Variants in PRR29 observed in about 807,000 individuals in gnomAD.
PRR29 encodes proline-rich protein 29.
A neutral mutation model predicts 25.1 loss-of-function variants in PRR29; 20 were observed. That is an observed-to-expected ratio of 0.80 (90% CI 0.56 to 1.16). PRR29 has a LOEUF of 1.16. Ranked by LOEUF, PRR29 falls within the 50% of genes most tolerant of loss-of-function variation. The pLI is 0.00. For missense variants in PRR29, 238 were observed against 246.6 expected (o/e 0.97, Z 0.23); for synonymous variants, 108 against 102.6 (o/e 1.05, Z -0.32).
rs1366631203 is a variant in PRR29 at position 64,003,984 on chromosome 17, G to A, written c.*2223G>A. The A allele has an allele frequency of 1.3e-6, 2 of 1,582,042 alleles. No homozygotes were observed. The highest frequency in any genetic ancestry group is 1.8e-5 in the Admixed American group (1 of 56,158). On this transcript the variant is annotated 3_prime_UTR_variant, in exon 6 of 6. Coordinates refer to ENST00000412177, the MANE Select transcript of PRR29 (RefSeq NM_001164257.2). ...GAGGCTCTGCAGGGGACAAAGGAGG[G>A]AGGTCTGGTCAGGATGGGGGTGCAG...
At position 64,003,637 on chromosome 17, in the gene PRR29, C is replaced by T. The variant is rs753317324; in HGVS notation, c.*1876C>T. The T allele has an allele frequency of 2.5e-6, 4 of 1,608,976 alleles. No homozygotes were observed. The highest frequency in any genetic ancestry group is 3.4e-6 in the Non-Finnish European group (4 of 1,176,840). On this transcript the variant is annotated 3_prime_UTR_variant, in exon 6 of 6. Transcript: ENST00000412177. Reference sequence around the variant, plus strand: ...ACTCCCAACTCCATCCACGGATCCCCCCTCACCATAGATCTCCAACATCTT... The same window carrying T: ...ACTCCCAACTCCATCCACGGATCCCTCCTCACCATAGATCTCCAACATCTT...
At chr17:64,000,312 A>T (rs1471918721) in intron 3 of PRR29, among the ~76,000 whole-genome samples, 1 of 152,096 alleles carries the variant, frequency 6.6e-6, no homozygotes, top group African/African-American at 2.4e-5. Flanking sequence ...AACACAACCC[A>T]TTCTTTTTTT....
rs996999373 is a variant in PRR29 at position 63,999,267 on chromosome 17, C to T, written c.243+193C>T. Reference sequence around the variant, plus strand: ...AAGGTTGGGGCGGGGAAGAGACCCCCCAAAGTCCAGACCACCGAGGTCTTG... The same window carrying T: ...AAGGTTGGGGCGGGGAAGAGACCCCTCAAAGTCCAGACCACCGAGGTCTTG... On this transcript the variant is annotated intron_variant, in intron 3 of 5. Transcript: ENST00000412177. 28 of 598,124 alleles carry T rather than the reference C, an allele frequency of 4.7e-5. No homozygotes were observed. The South Asian group carries it at 5.6e-4, about 12-fold the overall frequency. The allele number at this position is 598,124 out of a possible 1,614,324, so 37.1% of individuals were successfully genotyped here.
rs2143140610 is a variant in PRR29, at chr17:64,001,144, G to A, written c.304G>A (p.Glu102Lys). The A allele has an allele frequency of 6.5e-7, 1 of 1,537,476 alleles. No homozygotes were observed. Among genetic ancestry groups the A allele is most frequent in the Admixed American group, 2.0e-5 (1 of 50,998 alleles). The change falls in exon 4 of 6, where the codon GAG becomes AAG. Residue 102 changes from glutamate to lysine, a missense_variant. Physicochemically the swap from Glu to Lys is moderately conservative, Grantham distance 56. Transcript: ENST00000412177. ...GGAGGAGGAGGAGATGGACGTGCGG[G>A]AGAAAGGGCCTTTGGTGTTTCACCA... ...EEEEEEMDVR[E>K]KGPLVFHHHY... is the part of the protein sequence containing the mutation.
chr17:64,001,509 T>C lies in PRR29; in HGVS notation c.513T>C (p.Thr171=). 5 of 1,515,514 alleles carry C rather than the reference T, an allele frequency of 3.3e-6. No homozygotes were observed. The highest frequency in any genetic ancestry group is 3.5e-6 in the Non-Finnish European group (4 of 1,137,080). 93.9% of individuals were successfully genotyped at this position (1,515,514 alleles called of 1,614,324 possible). A position where few individuals can be genotyped will look rare whatever the true frequency, so the allele number is the denominator to read the frequency against. The change falls in exon 5 of 6, where the codon ACT becomes ACC. Residue 171 remains threonine (T), a synonymous_variant. Transcript: ENST00000412177. Reference sequence around the variant, plus strand: ...CCCCACCCCCCAGTGCCACAGGGACTGTGGGTGCTGATGTACCCCCGGCTT... The same window carrying C: ...CCCCACCCCCCAGTGCCACAGGGACCGTGGGTGCTGATGTACCCCCGGCTT... ...PPPPPPSATG[T]VGADVPPASD... is the part of the protein sequence containing the mutation.
chr17:64,002,580 C>T lies in PRR29; in HGVS notation c.*819C>T. The T allele has an allele frequency of 6.1e-6, 4 of 653,590 alleles. No individual in the cohort carries two copies. The highest frequency in any genetic ancestry group is 1.0e-5 in the Non-Finnish European group (4 of 388,528). 40.5% of individuals were successfully genotyped at this position (653,590 alleles called of 1,614,324 possible). A position where few individuals can be genotyped will look rare whatever the true frequency, so the allele number is the denominator to read the frequency against. On this transcript the variant is annotated 3_prime_UTR_variant, in exon 6 of 6. Transcript: ENST00000412177. ...GCCATTGTTATCCCAGGAGGAGACA[C>T]TGTGGGCACAGGGCTAAGTCCAGGT...
rs966082402 is a variant in PRR29 at position 64,001,047 on chromosome 17, A to G, written c.244-37A>G. ...GGCGGTGGGGAGAGCCTGATGGTAGATTCTCATTTCCCCTCCCTGTTTTGC... is the reference window on the plus strand; with the variant it reads ...GGCGGTGGGGAGAGCCTGATGGTAGGTTCTCATTTCCCCTCCCTGTTTTGC... On this transcript the variant is annotated intron_variant, in intron 3 of 5. Coordinates refer to ENST00000412177, the MANE Select transcript of PRR29 (RefSeq NM_001164257.2). The G allele has an allele frequency of 2.0e-6, 3 of 1,487,012 alleles. No individual in the cohort carries two copies. The African/African-American group carries it at 4.2e-5, about 21-fold the overall frequency. 92.1% of individuals were successfully genotyped at this position (1,487,012 alleles called of 1,614,324 possible). A position where few individuals can be genotyped will look rare whatever the true frequency, so the allele number is the denominator to read the frequency against.
chr17:64,002,177 C>A lies in PRR29; in HGVS notation c.*416C>A. 2.9e-6 allele frequency: 2 copies of A among 700,696 alleles called. No homozygotes were observed. Among genetic ancestry groups the A allele is most frequent in the Non-Finnish European group, 4.7e-6 (2 of 429,912 alleles). 43.4% of individuals were successfully genotyped at this position (700,696 alleles called of 1,614,324 possible). ...GGGGGATTCCTTCTGCTTTCCACAG[C>A]TTTGAAGGCCCCTTTGAGGTGGCTG... On this transcript the variant is annotated 3_prime_UTR_variant, in exon 6 of 6. Transcript: ENST00000412177.
intron 2 of PRR29, 22 bp downstream of exon 2, chr17:63,998,804 A>ACCCC: frequency 4.4e-6 from 2 of 452,784 alleles, no homozygotes. Context: ...GGGTCCCCCC[A>ACCCC]CCCCACCCCC....
Position 63,998,724 on chromosome 17 carries a change from G to A in PRR29, c.78G>A (p.Leu26=). 6.6e-7 allele frequency: 1 copy of A among 1,516,278 alleles called. No individual in the cohort carries two copies. The highest frequency in any genetic ancestry group is 8.8e-7 in the Non-Finnish European group (1 of 1,140,424). The allele number at this position is 1,516,278 out of a possible 1,614,324, so 93.9% of individuals were successfully genotyped here. A position where few individuals can be genotyped will look rare whatever the true frequency, so the allele number is the denominator to read the frequency against. Residue 26 remains leucine, a synonymous_variant, in exon 2 of 6, where the codon CTG becomes CTA. Coordinates refer to ENST00000412177, the MANE Select transcript of PRR29 (RefSeq NM_001164257.2). ...SAVPTPWVTF[L]QPLSWAVPPA... ...ACCCCCAGCCCTGGGTCACCTTCCT[G>A]CAGCCCCTCTCGTGGGCCGTCCCAC...
At position 64,004,004 on chromosome 17, in the gene PRR29, G is replaced by T; in HGVS notation, c.*2243G>T. ...GGAGGGAGGTCTGGTCAGGATGGGG[G>T]TGCAGTCCCAGCAGCCTCCCCCTGG... On this transcript the variant is annotated 3_prime_UTR_variant, in exon 6 of 6. Coordinates refer to ENST00000412177, the MANE Select transcript of PRR29 (RefSeq NM_001164257.2). The T allele has an allele frequency of 6.8e-7, 1 of 1,475,804 alleles. No individual in the cohort carries two copies. The highest frequency in any genetic ancestry group is 9.2e-7 in the Non-Finnish European group (1 of 1,085,628). The allele number at this position is 1,475,804 out of a possible 1,614,324, so 91.4% of individuals were successfully genotyped here. A position where few individuals can be genotyped will look rare whatever the true frequency, so the allele number is the denominator to read the frequency against.
In PRR29 at chr17:64,002,312, AG is replaced by A; in HGVS notation, c.*553del. 1 of 455,414 alleles carries A rather than the reference AG, an allele frequency of 2.2e-6. No individual in the cohort carries two copies. The allele number at this position is 455,414 out of a possible 1,614,324, so 28.2% of individuals were successfully genotyped here. On this transcript the variant is annotated 3_prime_UTR_variant, in exon 6 of 6. Coordinates refer to ENST00000412177, the MANE Select transcript of PRR29 (RefSeq NM_001164257.2). ...CCAGGAAGCAGCTCTGTTGGCAGAA[AG>A]GAGAGGTCAGAGCTTTGTCCTGCTG...
chr17:64,002,098 C>A lies in PRR29; in HGVS notation c.*337C>A. ...CCCCCACCCTCTCTCCCTCACCCCT[C>A]TCTCTGGGATGATGAGGTCTCCTTC... is the stretch of plus-strand genomic sequence containing the variant. On this transcript the variant is annotated 3_prime_UTR_variant, in exon 6 of 6. Coordinates refer to ENST00000412177, the MANE Select transcript of PRR29 (RefSeq NM_001164257.2). 1 of 1,124,326 alleles carries A rather than the reference C, an allele frequency of 8.9e-7. No individual in the cohort carries two copies. Among genetic ancestry groups the A allele is most frequent in the Non-Finnish European group, 1.2e-6 (1 of 803,290 alleles). 69.6% of individuals were successfully genotyped at this position (1,124,326 alleles called of 1,614,324 possible). A position where few individuals can be genotyped will look rare whatever the true frequency, so the allele number is the denominator to read the frequency against.
chr17:64,001,646 G>T (rs1910767403), intron 5 of PRR29, 87 bp from the exon 6 acceptor site: 16 of 1,508,682 alleles, frequency 1.1e-5, no homozygotes, highest in Non-Finnish European at 1.4e-5. Flanking sequence ...CATCACTGCT[G>T]CAGGCAACTG....
intron 5 of PRR29, 82 bp downstream of exon 5, chr17:64,001,619 G>A (rs1469729340): frequency 1.3e-6 from 2 of 1,497,166 alleles, no homozygotes; most frequent in Non-Finnish European, 1.8e-6. Context: ...CTCTGGTGGG[G>A]TTTGGGGGTT....
At chr17:63,999,262 A>C in intron 3 of PRR29, 188 bp downstream of exon 3, 1 of 596,058 alleles carries the variant, frequency 1.7e-6, no homozygotes, top group Non-Finnish European at 3.0e-6. Flanking sequence ...CGGGGAAGAG[A>C]CCCCCCAAAG....
chr17:64,001,160 T>A lies in PRR29; in HGVS notation c.320T>A (p.Val107Glu). 6.5e-7 allele frequency: 1 copy of A among 1,537,426 alleles called. No homozygotes were observed. Among genetic ancestry groups the A allele is most frequent in the Non-Finnish European group, 8.7e-7 (1 of 1,146,940 alleles). ...GACGTGCGGGAGAAAGGGCCTTTGG[T>A]GTTTCACCACCACTACTTGCCCTAT... is the stretch of plus-strand genomic sequence containing the variant. ...EMDVREKGPL[V>E]FHHHYLPYLM... Residue 107 changes from valine (V) to glutamate (E), a missense_variant, in exon 4 of 6, where the codon GTG becomes GAG. Transcript: ENST00000412177.
chr17:64,003,589 C>G lies in PRR29; in HGVS notation c.*1828C>G. 2 of 1,528,894 alleles carry G rather than the reference C, an allele frequency of 1.3e-6. No individual in the cohort carries two copies. Among genetic ancestry groups the G allele is most frequent in the Non-Finnish European group, 1.8e-6 (2 of 1,121,064 alleles). 94.7% of individuals were successfully genotyped at this position (1,528,894 alleles called of 1,614,324 possible). On this transcript the variant is annotated 3_prime_UTR_variant, in exon 6 of 6. Coordinates refer to ENST00000412177, the MANE Select transcript of PRR29 (RefSeq NM_001164257.2). ...GTGGGACTCAAGATTTTTCTTCCCC[C>G]GAGGGGCTGAAAGTGACTTATCACT...
At chr17:63,999,174 G>A in intron 3 of PRR29, 100 bp downstream of exon 3, 1 of 885,546 alleles carries the variant, frequency 1.1e-6, no homozygotes, top group Non-Finnish European at 1.7e-6. Flanking sequence ...GGGAGACAGA[G>A]GAGCAGGAAG....
Sources: gnomAD v4.1 joint callset for allele counts (sites outside exome capture counted in the v4.1 genomes callset) on GRCh38, gnomAD v4.1.1 for gene constraint, MANE v1.5 for transcripts, NCBI Gene and HGNC (gene_info 2026-07-23, HGNC 2026-07-21) for gene names.